Variants in POR observed in about 807,000 individuals in gnomAD.
POR encodes the protein NADPH--cytochrome P450 reductase.
Under a neutral mutation model 84.0 loss-of-function variants are expected in POR, and 56 were observed. The observed-to-expected ratio is 0.67, with a 90% CI of 0.54 to 0.83. POR has a LOEUF of 0.83. POR is among the 40% of genes least tolerant of loss of function. The pLI is 0.00. For missense variants in POR, 938 were observed against 944.3 expected (o/e 0.99, Z 0.09); for synonymous variants, 414 against 400.5 (o/e 1.03, Z -0.40).
intron 2 of POR, among the ~76,000 whole-genome samples, chr7:75,956,934 C>T (rs1787711823): frequency 1.3e-5 from 2 of 152,170 alleles, no homozygotes; most frequent in Admixed American, 6.5e-5. Flanking sequence ...CCATGTTGGC[C>T]AGGCTGGTCT....
At chr7:75,946,445 C>T (rs1787178997) in intron 1 of POR, among the ~76,000 whole-genome samples, 1 of 152,086 alleles carries the variant, frequency 6.6e-6, no homozygotes. Flanking sequence ...CACCGTCACA[C>T]CTGGCTAACT....
intron 5 of POR, chr7:75,980,717 C>T: frequency 1.3e-6 from 2 of 1,515,790 alleles, no homozygotes; most frequent in Non-Finnish European, 1.8e-6. Flanking sequence ...GTGCTGGAGA[C>T]TAAAGGCAAG....
intron 2 of POR, among the ~76,000 whole-genome samples, chr7:75,958,732 T>C (rs957982895): frequency 1.3e-5 from 2 of 152,018 alleles, no homozygotes; most frequent in Non-Finnish European, 2.9e-5. Context: ...GTAATCCCAG[T>C]GCTTAGGGAG....
At chr7:75,975,152 C>G (rs1788617963) in intron 3 of POR, among the ~76,000 whole-genome samples, 1 of 135,116 alleles carries the variant, frequency 7.4e-6, no homozygotes. Context: ...TAAAGATATT[C>G]CTGTATTTTT....
intron 1 of POR, among the ~76,000 whole-genome samples, chr7:75,922,331 T>C (rs1806918510): frequency 6.6e-6 from 1 of 150,900 alleles, no homozygotes. Flanking sequence ...TTTTTTTTTT[T>C]TTTTTTTTGA....
At chr7:75,984,344 G>A (rs1314087001) in intron 10 of POR, among the ~76,000 whole-genome samples, 1 of 152,178 alleles carries the variant, frequency 6.6e-6, no homozygotes, top group Non-Finnish European at 1.5e-5. Context: ...CCGCTGTGAA[G>A]CCCTCGGACC....
At chr7:75,983,678 CCTCCTGACCTGGGG>C in intron 9 of POR, 42 bp downstream of exon 9, 3 of 1,607,010 alleles carry the variant, frequency 1.9e-6, no homozygotes, top group Non-Finnish European at 2.6e-6. Flanking sequence ...TCACTCTGGG[CCTCCTGACCTGGGG>C]CAGGGCCAGC....
chr7:75,978,083 A>G (rs1788780714), intron 3 of POR, among the ~76,000 whole-genome samples: 1 of 152,214 alleles, frequency 6.6e-6, no homozygotes. Context: ...ATGAATATGT[A>G]TTTAACCAGC....
At chr7:75,981,205 G>A (rs1210564282) in intron 6 of POR, 33 bp downstream of exon 6, 15 of 1,502,110 alleles carry the variant, frequency 1.0e-5, no homozygotes, top group South Asian at 2.5e-5. Context: ...TGATCAGCGC[G>A]GCGGGCTTAG....
At chr7:75,923,265 C>G in intron 1 of POR, 3 of 1,226,828 alleles carry the variant, frequency 2.4e-6, no homozygotes, top group Non-Finnish European at 3.5e-6. Context: ...CTTGGAAGAC[C>G]TCATTCATGA....
intron 2 of POR, among the ~76,000 whole-genome samples, chr7:75,964,716 A>G (rs1554555011): frequency 6.6e-6 from 1 of 152,178 alleles, no homozygotes; most frequent in East Asian, 1.9e-4. Flanking sequence ...CAAAGTATAC[A>G]GTGTGATGTT....
intron 3 of POR, 42 bp downstream of exon 3, chr7:75,972,503 GC>G: frequency 6.6e-7 from 1 of 1,525,704 alleles, no homozygotes; most frequent in Non-Finnish European, 9.0e-7. Context: ...GGAAGCCTCG[GC>G]CCCGATGGGC....
At chr7:75,952,726 C>T (rs1242510085) in intron 1 of POR, among the ~76,000 whole-genome samples, 2 of 150,426 alleles carry the variant, frequency 1.3e-5, no homozygotes, top group South Asian at 2.1e-4. Context: ...AGACGATGGG[C>T]GGCCAGGCAG....
chr7:75,935,336 TC>T (rs1307419634), intron 1 of POR, among the ~76,000 whole-genome samples: 9 of 152,020 alleles, frequency 5.9e-5, no homozygotes, highest in African/African-American at 1.7e-4. Flanking sequence ...AACCTCCACT[TC>T]CTGGGTTCAA....
At chr7:75,977,798 GAAAAGAAA>G (rs782255295) in intron 3 of POR, among the ~76,000 whole-genome samples, 3 of 151,738 alleles carry the variant, frequency 2.0e-5, no homozygotes, top group Non-Finnish European at 4.4e-5. Context: ...ATAAAAAAAA[GAAAAGAAA>G]AAAAGAAAAA....
rs910922065 is a variant in POR at position 75,972,970 on chromosome 7, G to C, written c.237+509G>C. On this transcript the variant is annotated intron_variant, in intron 3 of 15. Transcript: ENST00000461988. Reference sequence around the variant, plus strand: ...CCCGAGTAGCTGGGATTACAGGTGCGTGCCACCACGCCCAGCTAATTTTTG... The same window carrying C: ...CCCGAGTAGCTGGGATTACAGGTGCCTGCCACCACGCCCAGCTAATTTTTG... Among the ~76,000 whole-genome samples the C allele has an allele frequency of 5.9e-5, 9 of 151,768 alleles. No homozygotes were observed. In the East Asian group the frequency reaches 1.6e-3, roughly 27 times the overall value.
chr7:75,964,497 G>A (rs1283585556), intron 2 of POR, among the ~76,000 whole-genome samples: 2 of 151,850 alleles, frequency 1.3e-5, no homozygotes, highest in East Asian at 1.9e-4. Context: ...TAGTAGAGAC[G>A]GGGTTTCACC....
intron 1 of POR, among the ~76,000 whole-genome samples, chr7:75,940,072 CTTATT>C (rs1807900544): frequency 6.6e-6 from 1 of 151,596 alleles, no homozygotes. Context: ...CCTCTTTACT[CTTATT>C]TTATTTTATA....
intron 1 of POR, among the ~76,000 whole-genome samples, chr7:75,935,013 G>A (rs147940950): frequency 3.2e-4 from 49 of 152,240 alleles, no homozygotes; most frequent in African/African-American, 1.2e-3. Context: ...GCTGTGGGAA[G>A]GGGGCCACTG....
Sources: allele counts gnomAD v4.1 joint callset (sites outside exome capture counted in the v4.1 genomes callset), GRCh38; gene constraint gnomAD v4.1.1; transcripts MANE v1.5; gene names NCBI Gene and HGNC (gene_info 2026-07-23, HGNC 2026-07-21).